Variants in RAB5B observed in about 807,000 individuals in gnomAD.
RAB5B encodes ras-related protein Rab-5B.
RAB5B carries 11 observed loss-of-function variants against 28.6 expected under a neutral mutation model. The ratio of observed to expected loss-of-function variants is 0.38; its 90% confidence interval spans 0.24 to 0.64. The LOEUF (loss-of-function observed/expected upper bound fraction) is 0.64. RAB5B is among the 30% of genes least tolerant of loss of function. The pLI, the probability that RAB5B is intolerant of heterozygous loss-of-function variation, is 0.53. For synonymous variants in RAB5B, 93 were observed against 97.9 expected (o/e 0.95, Z 0.29); for missense variants, 169 against 265.6 (o/e 0.64, Z 2.53).
rs1440799679 is a variant in RAB5B at position 55,995,991 on chromosome 12, A to T, written c.*3779A>T. ...TCTCTCCATATATATATACATATAT[A>T]TATATATATATATTTTTTTTTTAAC... On this transcript the variant is annotated 3_prime_UTR_variant, in exon 6 of 6. Transcript: ENST00000360299. 33 of 97,934 alleles carry T rather than the reference A, an allele frequency of 3.4e-4. No individual in the cohort carries two copies. The highest frequency in any genetic ancestry group is 1.0e-3 in the African/African-American group (19 of 18,364). 6.1% of individuals were successfully genotyped at this position (97,934 alleles called of 1,614,324 possible).
In RAB5B at chr12:55,995,745, C is replaced by G. The variant is rs868153754; in HGVS notation, c.*3533C>G. ...TCAAGTTAGTTAGTGCCTTCCGCCT[C>G]GTTTCTTCATCTGTAAAGTAAAAGC... On this transcript the variant is annotated 3_prime_UTR_variant, in exon 6 of 6. Coordinates refer to ENST00000360299, the MANE Select transcript of RAB5B (RefSeq NM_002868.4). The G allele has an allele frequency of 6.6e-6, 1 of 151,952 alleles. No homozygotes were observed. The highest frequency in any genetic ancestry group is 1.5e-5 in the Non-Finnish European group (1 of 67,992). 9.4% of individuals were successfully genotyped at this position (151,952 alleles called of 1,614,324 possible). A position where few individuals can be genotyped will look rare whatever the true frequency, so the allele number is the denominator to read the frequency against.
rs777976186 is a variant in RAB5B, at chr12:55,992,432, G to C, written c.*220G>C. On this transcript the variant is annotated 3_prime_UTR_variant, in exon 6 of 6. Coordinates refer to ENST00000360299, the MANE Select transcript of RAB5B (RefSeq NM_002868.4). ...CTCCTACCCCCTACTCTGGGGCTTGGGGGTCAACTCCCCCCAGGACTTACC... is the reference window on the plus strand; with the variant it reads ...CTCCTACCCCCTACTCTGGGGCTTGCGGGTCAACTCCCCCCAGGACTTACC... 7.3e-6 allele frequency: 5 copies of C among 680,866 alleles called. No individual in the cohort carries two copies. In the South Asian group the frequency reaches 7.6e-5, roughly 10 times the overall value. 42.2% of individuals were successfully genotyped at this position (680,866 alleles called of 1,614,324 possible). A position where few individuals can be genotyped will look rare whatever the true frequency, so the allele number is the denominator to read the frequency against.
chr12:55,977,769 A>G (rs1889686951), intron 1 of RAB5B, among the ~76,000 whole-genome samples: 1 of 152,220 alleles, frequency 6.6e-6, no homozygotes, highest in South Asian at 2.1e-4. Context: ...ACTCAACAGT[A>G]ACTGAACTGA....
At chr12:55,987,766 G>A (rs1305488385) in intron 2 of RAB5B, among the ~76,000 whole-genome samples, 1 of 151,742 alleles carries the variant, frequency 6.6e-6, no homozygotes. Flanking sequence ...AGGGGGCAGA[G>A]GTTGTAGTGA....
intron 5 of RAB5B, 132 bp from the exon 6 acceptor site, chr12:55,991,965 T>G: frequency 1.6e-6 from 1 of 635,378 alleles, no homozygotes; most frequent in Non-Finnish European, 2.7e-6. Context: ...AACCCTCCCA[T>G]CTTCAGAACA....
intron 4 of RAB5B, chr12:55,991,020 G>A (rs705699): frequency 0.38 from 221,966 of 584,428 alleles, 43,858 homozygotes; most frequent in African/African-American, 0.46. Flanking sequence ...GGGTTAGGGA[G>A]GTACCAGCTG....
intron 1 of RAB5B, among the ~76,000 whole-genome samples, chr12:55,979,105 G>A (rs749543276): frequency 6.6e-6 from 1 of 151,998 alleles, no homozygotes; most frequent in Non-Finnish European, 1.5e-5. Flanking sequence ...GGGACCCTAC[G>A]GGCCTCTAGA....
At chr12:55,988,113 C>T (rs1022805922) in intron 2 of RAB5B, among the ~76,000 whole-genome samples, 1 of 152,130 alleles carries the variant, frequency 6.6e-6, no homozygotes, top group Non-Finnish European at 1.5e-5. Flanking sequence ...TGCGCCATTG[C>T]ACTCCAGCCT....
At position 55,992,189 on chromosome 12, in the gene RAB5B, A is replaced by T; in HGVS notation, c.625A>T (p.Lys209Ter). ...TCTCCATGAACAGTCCCAGCAGAACAAGAGCCAGTGTTGTAGCAACTGAGG... is the reference window on the plus strand; with the variant it reads ...TCTCCATGAACAGTCCCAGCAGAACTAGAGCCAGTGTTGTAGCAACTGAGG... ...VDLHEQSQQN[K>*]SQCCSN Residue 209 changes from lysine to a stop codon, truncating the protein, a stop_gained, in exon 6 of 6, where the codon AAG becomes TAG. Coordinates refer to ENST00000360299, the MANE Select transcript of RAB5B (RefSeq NM_002868.4). LOFTEE classifies it high-confidence loss of function. 1 of 1,614,026 alleles carries T rather than the reference A, an allele frequency of 6.2e-7. No homozygotes were observed. The highest frequency in any genetic ancestry group is 8.5e-7 in the Non-Finnish European group (1 of 1,179,964).
In RAB5B at chr12:55,996,003, A is replaced by ATTTTTTTTTTTTTTTTTTTTTTTTTTTT. The variant is rs56291639; in HGVS notation, c.*3801_*3802insTTTTTTTTTTTTTTTTTTTTTTTTTTTT. On this transcript the variant is annotated 3_prime_UTR_variant, in exon 6 of 6. Transcript: ENST00000360299. Reference sequence around the variant, plus strand: ...TATATACATATATATATATATATATATTTTTTTTTTAACAACTGGTAGGAT... The same window carrying ATTTTTTTTTTTTTTTTTTTTTTTTTTTT: ...TATATACATATATATATATATATATATTTTTTTTTTTTTTTTTTTTTTTTTTTTTTTTTTTTTTAACAACTGGTAGGAT... The ATTTTTTTTTTTTTTTTTTTTTTTTTTTT allele has an allele frequency of 1.0e-5, 1 of 97,430 alleles. No individual in the cohort carries two copies. Among genetic ancestry groups the ATTTTTTTTTTTTTTTTTTTTTTTTTTTT allele is most frequent in the African/African-American group, 4.7e-5 (1 of 21,118 alleles). 6.0% of individuals were successfully genotyped at this position (97,430 alleles called of 1,614,324 possible). A position where few individuals can be genotyped will look rare whatever the true frequency, so the allele number is the denominator to read the frequency against.
intron 5 of RAB5B, 75 bp from the exon 6 acceptor site, chr12:55,992,021 GT>G: frequency 2.7e-6 from 3 of 1,098,414 alleles, no homozygotes; most frequent in Non-Finnish European, 4.1e-6. Flanking sequence ...TTCAGTAGCC[GT>G]TTTTGGCGGG....
rs898520691 is a variant in RAB5B, at chr12:55,990,802, G to A, written c.436G>A (p.Glu146Lys). ...DLANKRMVEY[E>K]EAQAYADDNS... is the part of the protein sequence containing the mutation. Reference sequence around the variant, plus strand: ...GGCCAACAAACGTATGGTGGAGTATGAAGTAAGGTGGCCCGTGGAGTTCCT... The same window carrying A: ...GGCCAACAAACGTATGGTGGAGTATAAAGTAAGGTGGCCCGTGGAGTTCCT... The change falls in exon 4 of 6, where the codon GAA (glutamate) becomes AAA (lysine). Residue 146 changes from glutamate (E) to lysine (K), a missense_variant and splice_region_variant. Coordinates refer to ENST00000360299, the MANE Select transcript of RAB5B (RefSeq NM_002868.4). 9 of 1,613,672 alleles carry A rather than the reference G, an allele frequency of 5.6e-6. No homozygotes were observed. The highest frequency in any genetic ancestry group is 6.8e-6 in the Non-Finnish European group (8 of 1,179,772).
intron 4 of RAB5B, chr12:55,991,101 CA>C: frequency 1.9e-6 from 1 of 535,540 alleles, no homozygotes; most frequent in Non-Finnish European, 3.3e-6. Context: ...TCAAGTGTCA[CA>C]ACCCAAAAGC....
At chr12:55,985,503 TC>T in intron 1 of RAB5B, 1 of 270,598 alleles carries the variant, frequency 3.7e-6, no homozygotes, top group South Asian at 3.2e-5. Context: ...ATTTCATAGT[TC>T]CTTTCCGCTC....
rs1890240658 is a variant in RAB5B at position 55,994,810 on chromosome 12, T to C, written c.*2598T>C. 1 of 152,252 alleles carries C rather than the reference T, an allele frequency of 6.6e-6. No homozygotes were observed. Among genetic ancestry groups the C allele is most frequent in the African/African-American group, 2.4e-5 (1 of 41,422 alleles). The allele number at this position is 152,252 out of a possible 1,614,324, so 9.4% of individuals were successfully genotyped here. On this transcript the variant is annotated 3_prime_UTR_variant, in exon 6 of 6. Coordinates refer to ENST00000360299, the MANE Select transcript of RAB5B (RefSeq NM_002868.4). ...TGGAAGAAAGGATACCCAGTAATGT[T>C]CTACTGAATCAGAAACACACCTTTC...
chr12:55,977,592 G>A (rs566497598), intron 1 of RAB5B, among the ~76,000 whole-genome samples: 1 of 152,294 alleles, frequency 6.6e-6, no homozygotes, highest in Admixed American at 6.5e-5. Context: ...GAAGAAGCAA[G>A]CGTATAGTTT....
intron 1 of RAB5B, among the ~76,000 whole-genome samples, chr12:55,982,547 G>C (rs897624190): frequency 2.0e-5 from 3 of 151,842 alleles, no homozygotes; most frequent in African/African-American, 7.3e-5. Context: ...TCCTGCCTTG[G>C]CCTCCCAAAA....
In RAB5B at chr12:55,995,309, T is replaced by C. The variant is rs1343042718; in HGVS notation, c.*3097T>C. 1.3e-5 allele frequency: 2 copies of C among 152,224 alleles called. No homozygotes were observed. Among genetic ancestry groups the C allele is most frequent in the Non-Finnish European group, 2.9e-5 (2 of 68,054 alleles). The allele number at this position is 152,224 out of a possible 1,614,324, so 9.4% of individuals were successfully genotyped here. ...TTTCACCATGTTGGTCAGGCTGGTC[T>C]TGAACTCCTGACCTCGTGATCCACC... On this transcript the variant is annotated 3_prime_UTR_variant, in exon 6 of 6. Coordinates refer to ENST00000360299, the MANE Select transcript of RAB5B (RefSeq NM_002868.4).
intron 5 of RAB5B, 21 bp from the exon 6 acceptor site, chr12:55,992,076 C>G (rs1232546081): frequency 1.3e-6 from 2 of 1,597,592 alleles, no homozygotes; most frequent in African/African-American, 1.3e-5. Context: ...ATACTTTGTT[C>G]TCTTCTCTTT....
Sources: gnomAD v4.1 joint callset for allele counts (sites outside exome capture counted in the v4.1 genomes callset) on GRCh38, gnomAD v4.1.1 for gene constraint, MANE v1.5 for transcripts, NCBI Gene and HGNC (gene_info 2026-07-23, HGNC 2026-07-21) for gene names.